AKAP19: variants seen among roughly 807,000 people sequenced by gnomAD.
AKAP19 encodes the protein A-kinase anchoring protein 19.
At chr2:190,055,077 C>T in the AKAP19 span, among the ~76,000 whole-genome samples, 10 of 152,160 alleles carry the variant, frequency 6.6e-5, no homozygotes, top group East Asian at 1.9e-3. Flanking sequence ...TGGAACCAAG[C>T]CAAATGTCCA....
chr2:190,199,483 T>C, the AKAP19 span, among the ~76,000 whole-genome samples: 1 of 152,104 alleles, frequency 6.6e-6, no homozygotes, highest in Non-Finnish European at 1.5e-5. Flanking sequence ...TTTTATAAAA[T>C]ATGCAAGATC....
the AKAP19 span, among the ~76,000 whole-genome samples, chr2:189,956,177 C>CTTTTTTTTTTTT: frequency 8.1e-6 from 1 of 122,948 alleles, no homozygotes; most frequent in African/African-American, 3.1e-5. Context: ...TCTTTTTTTT[C>CTTTTTTTTTTTT]TTTTTTTTTT....
the AKAP19 span, among the ~76,000 whole-genome samples, chr2:189,887,650 A>G: frequency 1.7e-4 from 26 of 152,104 alleles, no homozygotes; most frequent in African/African-American, 6.0e-4. Flanking sequence ...TTACTTTTTA[A>G]TGATCTCCAT....
chr2:190,161,063 G>A, the AKAP19 span, among the ~76,000 whole-genome samples: 1 of 152,014 alleles, frequency 6.6e-6, no homozygotes, highest in Admixed American at 6.5e-5. Context: ...CAAATTTTTA[G>A]GGCCAAAACC....
At chr2:189,982,422 T>C in the AKAP19 span, among the ~76,000 whole-genome samples, 1 of 152,158 alleles carries the variant, frequency 6.6e-6, no homozygotes, top group African/African-American at 2.4e-5. Flanking sequence ...TTGGTTTGTA[T>C]TGGATTTAAA....
the AKAP19 span, among the ~76,000 whole-genome samples, chr2:189,960,538 A>C: frequency 2.6e-5 from 4 of 152,220 alleles, no homozygotes; most frequent in Non-Finnish European, 4.4e-5. Context: ...ACTAGGACCC[A>C]AGCTTATGAT....
the AKAP19 span, among the ~76,000 whole-genome samples, chr2:189,998,771 C>CTTTCTTTTTT: frequency 1.0e-5 from 1 of 97,546 alleles, no homozygotes; most frequent in African/African-American, 4.3e-5. Flanking sequence ...TTCTTTCTTT[C>CTTTCTTTTTT]TTTTTTTTTT....
chr2:190,190,710 G>A, the AKAP19 span, among the ~76,000 whole-genome samples: 1 of 152,054 alleles, frequency 6.6e-6, no homozygotes. Context: ...ACTAAGCACT[G>A]GGGTTTTTTA....
the AKAP19 span, among the ~76,000 whole-genome samples, chr2:190,196,684 G>A: frequency 6.6e-6 from 1 of 152,022 alleles, no homozygotes; most frequent in South Asian, 2.1e-4. Flanking sequence ...TGTTAAAGAG[G>A]ATTATTTCTG....
chr2:189,906,058 A>C, the AKAP19 span, among the ~76,000 whole-genome samples: 1 of 152,064 alleles, frequency 6.6e-6, no homozygotes, highest in Non-Finnish European at 1.5e-5. Context: ...CATTCGTTTA[A>C]ACAGATTTAC....
At chr2:190,100,120 G>T in the AKAP19 span, among the ~76,000 whole-genome samples, 1 of 152,168 alleles carries the variant, frequency 6.6e-6, no homozygotes, top group African/African-American at 2.4e-5. Context: ...AGATAAATCC[G>T]GGAGTCATAA....
the AKAP19 span, among the ~76,000 whole-genome samples, chr2:190,044,471 G>T: frequency 6.6e-6 from 1 of 152,142 alleles, no homozygotes; most frequent in Non-Finnish European, 1.5e-5. Context: ...AGACACTTTG[G>T]GTCTTTGCTC....
the AKAP19 span, among the ~76,000 whole-genome samples, chr2:190,029,130 G>A: frequency 7.9e-5 from 12 of 151,436 alleles, no homozygotes; most frequent in East Asian, 1.9e-4. Context: ...TTGGCTCACC[G>A]CAACTTCCAC....
the AKAP19 span, among the ~76,000 whole-genome samples, chr2:189,998,748 CTTCTTTCTTTCT>C: frequency 2.3e-5 from 3 of 129,544 alleles, no homozygotes. Context: ...TTACTTTTCT[CTTCTTTCTTTCT>C]TTCTTTCTTT....
chr2:190,133,938 A>C, the AKAP19 span, among the ~76,000 whole-genome samples: 17 of 152,202 alleles, frequency 1.1e-4, no homozygotes, highest in Non-Finnish European at 2.1e-4. Flanking sequence ...GATTGTATTT[A>C]ATGAAATGTA....
the AKAP19 span, among the ~76,000 whole-genome samples, chr2:190,101,613 A>C: frequency 6.6e-6 from 1 of 152,280 alleles, no homozygotes; most frequent in South Asian, 2.1e-4. Flanking sequence ...TAAAGGCTCA[A>C]CAAGAAGACT....
chr2:190,030,035 A>G, the AKAP19 span, among the ~76,000 whole-genome samples: 5 of 152,238 alleles, frequency 3.3e-5, no homozygotes, highest in Admixed American at 1.3e-4. Flanking sequence ...TTTACCCTTC[A>G]GAAAAACAGA....
the AKAP19 span, chr2:189,917,785 A>C: frequency 5.9e-6 from 1 of 169,334 alleles, no homozygotes; most frequent in Non-Finnish European, 1.2e-5. Context: ...TGTGTTTTTT[A>C]ATTGATGGAG....
the AKAP19 span, among the ~76,000 whole-genome samples, chr2:189,985,608 A>T: frequency 6.6e-6 from 1 of 152,198 alleles, no homozygotes; most frequent in East Asian, 1.9e-4. Context: ...CCTTAGTCAT[A>T]TATCCCAAGG....
Sources: gnomAD v4.1 joint callset for allele counts (sites outside exome capture counted in the v4.1 genomes callset) on GRCh38, gnomAD v4.1.1 for gene constraint, MANE v1.5 for transcripts, NCBI Gene and HGNC (gene_info 2026-07-23, HGNC 2026-07-21) for gene names.